Variants in DPYS observed in about 807,000 individuals in gnomAD.
DPYS encodes dihydropyrimidine amidohydrolase.
DPYS carries 39 observed loss-of-function variants against 50.3 expected under a neutral mutation model. The ratio of observed to expected loss-of-function variants is 0.78; its 90% CI spans 0.60 to 1.01. The LOEUF is 1.01. Ranked by LOEUF, DPYS falls within the 50% of genes least tolerant of loss-of-function variation. DPYS has a pLI of 0.00. For synonymous variants in DPYS, 245 were observed against 250.7 expected (o/e 0.98, Z 0.22); for missense variants, 659 against 680.9 (o/e 0.97, Z 0.36).
At chr8:104,458,220 T>C (rs1007578672) in intron 1 of DPYS, among the ~76,000 whole-genome samples, 1 of 152,230 alleles carries the variant, frequency 6.6e-6, no homozygotes, top group African/African-American at 2.4e-5. Context: ...TCCAATCTTT[T>C]ATTGACTTCT....
chr8:104,430,859 A>G (rs1009166890), intron 4 of DPYS, among the ~76,000 whole-genome samples: 1 of 152,178 alleles, frequency 6.6e-6, no homozygotes, highest in African/African-American at 2.4e-5. Flanking sequence ...CTTCCGTGAC[A>G]TACCCTACTG....
chr8:104,406,399 T>C (rs1342095575), intron 7 of DPYS, among the ~76,000 whole-genome samples: 2 of 152,212 alleles, frequency 1.3e-5, no homozygotes, highest in African/African-American at 4.8e-5. Context: ...GCACACATGA[T>C]ACCTGCTGAC....
chr8:104,444,177 A>G, intron 4 of DPYS, 71 bp downstream of exon 4: 1 of 1,545,386 alleles, frequency 6.5e-7, no homozygotes, highest in Admixed American at 1.7e-5. Context: ...AAACTGAAGC[A>G]GAGGCTACAG....
At chr8:104,447,551 A>C in intron 2 of DPYS, 48 bp from the exon 3 acceptor site, 1 of 1,599,022 alleles carries the variant, frequency 6.3e-7, no homozygotes, top group Non-Finnish European at 8.6e-7. Flanking sequence ...TCTAATTTAA[A>C]TGATAATTTC....
At chr8:104,386,242 A>G (rs763552542) in intron 8 of DPYS, among the ~76,000 whole-genome samples, 4 of 152,170 alleles carry the variant, frequency 2.6e-5, no homozygotes, top group Non-Finnish European at 5.9e-5. Context: ...AGTAAATTTA[A>G]TCATATTGGG....
intron 8 of DPYS, among the ~76,000 whole-genome samples, chr8:104,390,487 A>C (rs1000135912): frequency 6.7e-6 from 1 of 148,754 alleles, no homozygotes; most frequent in Non-Finnish European, 1.5e-5. Flanking sequence ...TTGAAGCTTC[A>C]GTTCTCTTTA....
chr8:104,428,035 G>C lies in DPYS; in HGVS notation c.1037C>G (p.Pro346Arg), dbSNP rs867839094. 6.2e-7 allele frequency: 1 copy of C among 1,614,192 alleles called. No homozygotes were observed. The highest frequency in any genetic ancestry group is 1.7e-5 in the Admixed American group (1 of 60,024). The part of the protein sequence containing the change: ...ALGKDDFTKI[P>R]NGVNGVEDRM... The stretch of plus-strand genomic sequence containing the variant: ...ATCTTCAACACCATTCACCCCATTG[G>C]GGATCTTGGTAAAATCATCCTTCCC... Residue 346 changes from proline (P) to arginine (R), a missense_variant, in exon 6 of 10, where the codon CCC becomes CGC. By Grantham distance (103) the Pro-to-Arg change is moderately radical. Transcript: ENST00000351513.
In DPYS at chr8:104,400,166, C is replaced by T. The variant is rs547901415; in HGVS notation, c.1236-7175G>A. Among the ~76,000 whole-genome samples the T allele has an allele frequency of 1.4e-4, 21 of 152,218 alleles. No individual in the cohort carries two copies. In the East Asian group the frequency reaches 3.9e-3, roughly 28 times the overall value. ...CATCTGTGAGCTCCCCATGGCCTTC[C>T]CACAGAGTGTGTTTTTACTGAAGTG... On this transcript the variant is annotated intron_variant, in intron 7 of 9. Coordinates refer to ENST00000351513, the MANE Select transcript of DPYS (RefSeq NM_001385.3).
intron 7 of DPYS, among the ~76,000 whole-genome samples, chr8:104,398,704 T>C (rs1434242689): frequency 6.6e-6 from 1 of 152,226 alleles, no homozygotes; most frequent in African/African-American, 2.4e-5. Context: ...AGAGAGGCCC[T>C]GGAGAGAGGT....
chr8:104,384,457 T>G (rs1811150267), intron 8 of DPYS, among the ~76,000 whole-genome samples: 1 of 152,228 alleles, frequency 6.6e-6, no homozygotes, highest in Non-Finnish European at 1.5e-5. Flanking sequence ...CTGCAGAATC[T>G]GAAACCATCA....
At position 104,451,252 on chromosome 8, in the gene DPYS, A is replaced by G; in HGVS notation, c.417T>C (p.Ser139=). The change falls in exon 2 of 10, where the codon AGT becomes AGC. Residue 139 remains serine, a synonymous_variant. Transcript: ENST00000351513. ...YSLHVAVTWW[S]DQVKEEMKIL... is the part of the protein sequence containing the mutation. ...TGAAATCCAGGTGCTTTACCTGGTC[A>G]CTCCACCACGTCACTGCCACATGAA... The G allele has an allele frequency of 1.2e-6, 2 of 1,613,856 alleles. No individual in the cohort carries two copies. The highest frequency in any genetic ancestry group is 1.7e-6 in the Non-Finnish European group (2 of 1,179,992).
intron 7 of DPYS, among the ~76,000 whole-genome samples, chr8:104,404,651 T>C (rs541821282): frequency 8.2e-4 from 125 of 152,382 alleles, no homozygotes; most frequent in Middle Eastern, 3.4e-3. Flanking sequence ...GAGATGACCT[T>C]GGATATTCAA....
At chr8:104,423,202 T>C (rs565413498) in intron 7 of DPYS, among the ~76,000 whole-genome samples, 16 of 152,308 alleles carry the variant, frequency 1.1e-4, no homozygotes, top group South Asian at 2.1e-4. Context: ...TGAGGTGATA[T>C]GCTGAAGTGT....
At chr8:104,394,950 C>T (rs1811530109) in intron 7 of DPYS, among the ~76,000 whole-genome samples, 1 of 150,930 alleles carries the variant, frequency 6.6e-6, no homozygotes, top group Non-Finnish European at 1.5e-5. Context: ...TATCACTTGC[C>T]AAAGGACATA....
chr8:104,381,313 G>T lies in DPYS; in HGVS notation c.1445C>A (p.Thr482Asn). 1 of 1,613,360 alleles carries T rather than the reference G, an allele frequency of 6.2e-7. No individual in the cohort carries two copies. The highest frequency in any genetic ancestry group is 1.1e-5 in the South Asian group (1 of 91,066). ...ACGCTCCACAGGGGTAGGTGTGCAA[G>T]TCTGAAAGAGAACATTTCATTTCTC... is the stretch of plus-strand genomic sequence containing the variant. ...IYKRIKQRDR[T>N]CTPTPVERAP... Residue 482 changes from threonine to asparagine, a missense_variant and splice_region_variant, in exon 9 of 10, where the codon ACT becomes AAT. Coordinates refer to ENST00000351513, the MANE Select transcript of DPYS (RefSeq NM_001385.3).
intron 7 of DPYS, among the ~76,000 whole-genome samples, chr8:104,416,455 CA>C (rs1812372198): frequency 6.6e-6 from 1 of 152,202 alleles, no homozygotes; most frequent in Non-Finnish European, 1.5e-5. Context: ...ATCACAGTGA[CA>C]AATCATGGCA....
At chr8:104,466,510 A>G in intron 1 of DPYS, 147 bp downstream of exon 1, 3 of 948,788 alleles carry the variant, frequency 3.2e-6, no homozygotes, top group Non-Finnish European at 1.4e-6. Flanking sequence ...CCCCTCTGAC[A>G]CCCGCCGGGG....
chr8:104,429,870 T>C (rs983725166), intron 4 of DPYS, among the ~76,000 whole-genome samples, 169 bp from the exon 5 acceptor site: 1 of 152,226 alleles, frequency 6.6e-6, no homozygotes, highest in Non-Finnish European at 1.5e-5. Context: ...AAATCCATGA[T>C]GAACATAAAT....
intron 7 of DPYS, among the ~76,000 whole-genome samples, chr8:104,422,896 A>C (rs1390871510): frequency 6.6e-6 from 1 of 152,218 alleles, no homozygotes; most frequent in Non-Finnish European, 1.5e-5. Context: ...TTCTCTAAAC[A>C]CAGCATGCTC....
Sources: allele counts gnomAD v4.1 joint callset (sites outside exome capture counted in the v4.1 genomes callset), GRCh38; gene constraint gnomAD v4.1.1; transcripts MANE v1.5; gene names NCBI Gene and HGNC (gene_info 2026-07-23, HGNC 2026-07-21).